The following COL6A3 variants were observed in gnomAD, a reference collection of about 807,000 sequenced individuals.
The protein encoded by COL6A3 is collagen type VI alpha 3 chain.
COL6A3 carries 137 observed loss-of-function variants against 274.1 expected under a neutral mutation model. The observed-to-expected ratio is 0.50, with a 90% CI of 0.44 to 0.58. The LOEUF (loss-of-function observed/expected upper bound fraction) is 0.58, where lower values mean the gene tolerates loss of function less well. Among genes scored for constraint, COL6A3 ranks in the 20% least tolerant of loss-of-function variants. COL6A3 has a pLI of 0.00. For missense variants in COL6A3, 3,950 were observed against 4,124.9 expected, an observed-to-expected ratio of 0.96 and a Z score of 1.16; for synonymous variants, 1,650 against 1,650.6, an observed-to-expected ratio of 1.00 and a Z score of 0.01.
In COL6A3 at chr2:237,376,979, G is replaced by A. The variant is rs886043736; in HGVS notation, c.2863C>T (p.Arg955Cys). ...AGGTTACTTGCTGGCCCATCCACAC[G>A]GTCAGATGACCTTCCTGCGACCAGC... ...VLLVAGRSSD[R>C]VDGPASNLKQ... The change falls in exon 7 of 44, where the codon CGT becomes TGT. Residue 955 changes from arginine (R) to cysteine (C), a missense_variant. Physicochemically the swap from Arg to Cys is radical, Grantham distance 180 (BLOSUM62 -3). Around this residue, in one of 5 missense-constraint regions of COL6A3, gnomAD observed 1,934 missense variants for 1,984.3 expected, o/e 0.97. Coordinates refer to ENST00000295550, the MANE Select transcript of COL6A3 (RefSeq NM_004369.4). 6 of 1,614,176 alleles carry A rather than the reference G, an allele frequency of 3.7e-6. No individual in the cohort carries two copies. The highest frequency in any genetic ancestry group is 5.1e-6 in the Non-Finnish European group (6 of 1,180,036).
chr2:237,359,761 C>G (rs1326912872), intron 17 of COL6A3, among the ~76,000 whole-genome samples: 2 of 152,246 alleles, frequency 1.3e-5, no homozygotes, highest in Non-Finnish European at 2.9e-5. Context: ...ACTCCACTCC[C>G]TTCCCTGACT....
intron 42 of COL6A3, among the ~76,000 whole-genome samples, chr2:237,330,692 T>A (rs1023181257): frequency 6.6e-6 from 1 of 152,132 alleles, no homozygotes; most frequent in African/African-American, 2.4e-5. Context: ...GGACAAAAAA[T>A]GCCCCAACCA....
intron 42 of COL6A3, chr2:237,327,017 TGG>T (rs1699979677): frequency 1.3e-5 from 2 of 152,204 alleles, no homozygotes; most frequent in Non-Finnish European, 2.9e-5. Flanking sequence ...AGAAAGCCAG[TGG>T]TCCCCACGAG....
At chr2:237,332,098 TA>T (rs1311225586) in intron 42 of COL6A3, among the ~76,000 whole-genome samples, 3 of 40,532 alleles carry the variant, frequency 7.4e-5, no homozygotes, top group Non-Finnish European at 1.3e-4. Flanking sequence ...TATATATATA[TA>T]TATATATATA....
Position 237,371,681 on chromosome 2 carries a change from T to G in COL6A3, c.4285+51A>C, listed in dbSNP as rs376837643. The G allele has an allele frequency of 6.5e-7, 1 of 1,534,032 alleles. No individual in the cohort carries two copies. The highest frequency in any genetic ancestry group is 8.7e-7 in the Non-Finnish European group (1 of 1,143,980). The stretch of plus-strand genomic sequence containing the variant: ...AGTACCATGGCCTTTGAGCCTGTTA[T>G]TTTTCATATGGAAAATGCTCCAAGG... On this transcript the variant is annotated intron_variant, in intron 9 of 43. Coordinates refer to ENST00000295550, the MANE Select transcript of COL6A3 (RefSeq NM_004369.4). This position sits in a 1 kb window ranked among gnomAD's most constrained non-coding sequence, Gnocchi z 4.3.
In COL6A3 at chr2:237,368,789, C is replaced by T; in HGVS notation, c.4674G>A (p.Arg1558=). The T allele has an allele frequency of 6.2e-7, 1 of 1,614,206 alleles. No homozygotes were observed. The highest frequency in any genetic ancestry group is 8.5e-7 in the Non-Finnish European group (1 of 1,180,034). ...CCGAGGAACGGATCACCTGGGCGAACCTGGACACATCGTCCTGGGATTTTC... is the reference window on the plus strand; with the variant it reads ...CCGAGGAACGGATCACCTGGGCGAATCTGGACACATCGTCCTGGGATTTTC... ...LGGKSQDDVS[R]FAQVIRSSGI... Residue 1558 remains arginine (R), a synonymous_variant, in exon 10 of 44, where the codon AGG becomes AGA. Transcript: ENST00000295550. The surrounding 1 kb of genome is among the most constrained non-coding windows in gnomAD (Gnocchi z 4.4).
rs1466738206 is a variant in COL6A3 at position 237,413,801 on chromosome 2, C to T, written c.-31+152G>A. On this transcript the variant is annotated intron_variant, in intron 1 of 43. Coordinates refer to ENST00000295550, the MANE Select transcript of COL6A3 (RefSeq NM_004369.4). This position sits in a 1 kb window ranked among gnomAD's most constrained non-coding sequence, Gnocchi z 4.0. ...CCATAAAGTGAGAAAGAAAAATCAG[C>T]GGAATCTTCCAGAGACCTAAAACAT... Among the ~76,000 whole-genome samples the T allele has an allele frequency of 3.3e-5, 5 of 152,098 alleles. No homozygotes were observed. The highest frequency in any genetic ancestry group is 7.3e-5 in the Non-Finnish European group (5 of 68,028).
intron 1 of COL6A3, among the ~76,000 whole-genome samples, chr2:237,401,389 G>C (rs373327575): frequency 6.0e-5 from 9 of 151,168 alleles, no homozygotes; most frequent in African/African-American, 1.9e-4. Context: ...CATTTCAACA[G>C]TGTTTTATAG....
intron 41 of COL6A3, among the ~76,000 whole-genome samples, chr2:237,334,169 C>T (rs1700407683): frequency 6.6e-6 from 1 of 152,170 alleles, no homozygotes; most frequent in South Asian, 2.1e-4. Flanking sequence ...GGAGACTCAG[C>T]TATCGACATC....
Position 237,378,950 on chromosome 2 carries a change from G to A in COL6A3, c.2183C>T (p.Ala728Val), listed in dbSNP as rs1439968667. 1.9e-6 allele frequency: 3 copies of A among 1,614,092 alleles called. No individual in the cohort carries two copies. The highest frequency in any genetic ancestry group is 2.5e-6 in the Non-Finnish European group (3 of 1,180,042). Reference protein sequence around the residue: ...NTGSALSYVYANHFTEAGGSR... With the variant: ...NTGSALSYVYVNHFTEAGGSR... The stretch of plus-strand genomic sequence containing the variant: ...GCCGCCAGCTTCCGTGAAGTGGTTG[G>A]CATAGACATAGCTTAGGGCTGAGCC... Residue 728 changes from alanine (A) to valine (V), a missense_variant, in exon 6 of 44, where the codon GCC (alanine) becomes GTC (valine). Around this residue, in one of 5 missense-constraint regions of COL6A3, gnomAD observed 1,934 missense variants for 1,984.3 expected, o/e 0.97. Coordinates refer to ENST00000295550, the MANE Select transcript of COL6A3 (RefSeq NM_004369.4).
intron 1 of COL6A3, among the ~76,000 whole-genome samples, chr2:237,411,264 T>G (rs1303538045): frequency 6.6e-6 from 1 of 152,216 alleles, no homozygotes; most frequent in East Asian, 1.9e-4. Context: ...TAAAAATTTT[T>G]GCTAAAGCTG....
At chr2:237,373,260 C>T (rs180678502) in intron 8 of COL6A3, among the ~76,000 whole-genome samples, 2 of 152,310 alleles carry the variant, frequency 1.3e-5, no homozygotes, top group Admixed American at 1.3e-4. Flanking sequence ...CCATCCTCGG[C>T]AATCTGGGGC....
intron 39 of COL6A3, 113 bp from the exon 40 acceptor site, chr2:237,336,645 T>A (rs971414281): frequency 2.1e-5 from 23 of 1,097,882 alleles, no homozygotes; most frequent in Non-Finnish European, 3.1e-5. Flanking sequence ...TGCAATAGTT[T>A]TTATAGATTA....
intron 3 of COL6A3, among the ~76,000 whole-genome samples, chr2:237,390,393 G>A (rs2078257796): frequency 6.6e-6 from 1 of 152,180 alleles, no homozygotes; most frequent in Non-Finnish European, 1.5e-5. Context: ...ACACAATAAT[G>A]GGACATACAA....
chr2:237,371,820 G>T lies in COL6A3; in HGVS notation c.4197C>A (p.Ser1399Arg), dbSNP rs755091615. 14 of 1,613,526 alleles carry T rather than the reference G, an allele frequency of 8.7e-6. No individual in the cohort carries two copies. In the Admixed American group the frequency reaches 1.5e-4, roughly 17 times the overall value. Residue 1399 changes from serine (S) to arginine (R), a missense_variant, in exon 9 of 44, where the codon AGC (serine) becomes AGA (arginine). Ser to Arg is a moderately radical substitution (Grantham distance 110, BLOSUM62 -1). Coordinates refer to ENST00000295550, the MANE Select transcript of COL6A3 (RefSeq NM_004369.4). The surrounding 1 kb of genome is among the most constrained non-coding windows in gnomAD (Gnocchi z 4.3). Reference sequence around the variant, plus strand: ...TGGGCGTCAGCAGTTTCTGCTCCAGGCTGGGCAGCTCCCGGAAGGTGCTCA... The same window carrying T: ...TGGGCGTCAGCAGTTTCTGCTCCAGTCTGGGCAGCTCCCGGAAGGTGCTCA... The part of the protein sequence containing the change: ...FSVSTFRELP[S>R]LEQKLLTPIT...
chr2:237,369,682 C>G (rs1233731925), intron 9 of COL6A3, among the ~76,000 whole-genome samples: 2 of 152,180 alleles, frequency 1.3e-5, no homozygotes, highest in African/African-American at 4.8e-5. Flanking sequence ...CAATCTCAGC[C>G]CATGGGGGCA....
intron 1 of COL6A3, among the ~76,000 whole-genome samples, chr2:237,409,521 G>A (rs1476135591): frequency 6.6e-6 from 1 of 150,426 alleles, no homozygotes; most frequent in Non-Finnish European, 1.5e-5. Flanking sequence ...CAAAGGGTTA[G>A]GTTTTTGTTT....
intron 42 of COL6A3, chr2:237,326,587 T>C (rs2106300421): frequency 6.6e-6 from 1 of 152,340 alleles, no homozygotes; most frequent in African/African-American, 2.4e-5. Context: ...AAGAGAAGCA[T>C]TGATGTCAAC....
At position 237,376,896 on chromosome 2, in the gene COL6A3, C is replaced by G; in HGVS notation, c.2946G>C (p.Glu982Asp). The G allele has an allele frequency of 1.2e-6, 2 of 1,614,240 alleles. No individual in the cohort carries two copies. Among genetic ancestry groups the G allele is most frequent in the Non-Finnish European group, 1.7e-6 (2 of 1,180,034 alleles). Residue 982 changes from glutamate (E) to aspartate (D), a missense_variant, in exon 7 of 44, where the codon GAG (glutamate) becomes GAC (aspartate). Physicochemically the swap from Glu to Asp is conservative, Grantham distance 45. Coordinates refer to ENST00000295550, the MANE Select transcript of COL6A3 (RefSeq NM_004369.4). ...CTGGAGACAGCACGATCTGCTCTAA[C>G]TCAGCAGGGTCTGCGTTCTTGGCTT... is the stretch of plus-strand genomic sequence containing the variant. Reference protein sequence around the residue: ...IFQAKNADPAELEQIVLSPAF... With the variant: ...IFQAKNADPADLEQIVLSPAF...
Sources: gnomAD v4.1 joint callset for allele counts (sites outside exome capture counted in the v4.1 genomes callset) on GRCh38, gnomAD v4.1.1 for gene constraint, gnomAD v4.1.1 regional missense constraint, Gnocchi (gnomAD v3.1) non-coding constraint, MANE v1.5 for transcripts, NCBI Gene and HGNC (gene_info 2026-07-23, HGNC 2026-07-21) for gene names.